ERC1: variants seen among roughly 807,000 people sequenced by gnomAD.
The protein encoded by ERC1 is ELKS/RAB6-interacting/CAST family member 1, also known as RAB6 interacting protein 2.
A neutral mutation model predicts 132.0 loss-of-function variants in ERC1; 56 were observed. The observed-to-expected ratio is 0.42, with a 90% CI of 0.34 to 0.53. The LOEUF (loss-of-function observed/expected upper bound fraction) is 0.53. ERC1 is among the 20% of genes least tolerant of loss of function. The pLI is 0.03. For synonymous variants in ERC1, 478 were observed against 476.1 expected, an observed-to-expected ratio of 1.00 and a Z score of -0.05; for missense variants, 1,202 against 1,349.9, an observed-to-expected ratio of 0.89 and a Z score of 1.72.
At chr12:1,287,605 G>C (rs907112818) in intron 14 of ERC1, among the ~76,000 whole-genome samples, 1 of 152,172 alleles carries the variant, frequency 6.6e-6, no homozygotes, top group African/African-American at 2.4e-5. Context: ...GACTGCCTTC[G>C]AACTGGGACA....
intron 2 of ERC1, among the ~76,000 whole-genome samples, chr12:1,050,698 G>A (rs1013996574): frequency 6.6e-6 from 1 of 151,988 alleles, no homozygotes; most frequent in African/African-American, 2.4e-5. Flanking sequence ...GAAAACATTT[G>A]CCAAAAAATA....
At chr12:1,264,119 G>T (rs1183877234) in intron 14 of ERC1, among the ~76,000 whole-genome samples, 1 of 152,230 alleles carries the variant, frequency 6.6e-6, no homozygotes, top group African/African-American at 2.4e-5. Context: ...TTAACAGTGA[G>T]TATGAAGGAC....
chr12:1,139,806 AAAG>A (rs1317537781), intron 7 of ERC1, among the ~76,000 whole-genome samples: 1 of 152,172 alleles, frequency 6.6e-6, no homozygotes, highest in Admixed American at 6.5e-5. Context: ...AATGATAAAA[AAAG>A]AAGGACGATA....
At chr12:1,480,134 G>T (rs961079339) in intron 18 of ERC1, among the ~76,000 whole-genome samples, 15 of 151,442 alleles carry the variant, frequency 9.9e-5, no homozygotes, top group African/African-American at 3.4e-4. Context: ...TGCCCAGGAG[G>T]CTTGAGGAAT....
chr12:1,048,670 C>A (rs1372662776), intron 2 of ERC1, among the ~76,000 whole-genome samples: 1 of 152,090 alleles, frequency 6.6e-6, no homozygotes. Context: ...ATATGCTTTT[C>A]CCTTAATGTT....
At chr12:1,301,857 T>A (rs1383756986) in intron 15 of ERC1, among the ~76,000 whole-genome samples, 4 of 152,124 alleles carry the variant, frequency 2.6e-5, no homozygotes, top group Non-Finnish European at 5.9e-5. Flanking sequence ...GAATTTATAA[T>A]CAAAAACATT....
chr12:1,330,305 C>T (rs2154357621), intron 15 of ERC1, among the ~76,000 whole-genome samples: 1 of 152,314 alleles, frequency 6.6e-6, no homozygotes, highest in East Asian at 1.9e-4. Context: ...TGCACTTGCT[C>T]TTAGCTAAGG....
At chr12:1,346,098 G>GGAA (rs1468081554) in intron 15 of ERC1, among the ~76,000 whole-genome samples, 1 of 152,158 alleles carries the variant, frequency 6.6e-6, no homozygotes, top group Admixed American at 6.5e-5. Flanking sequence ...AATGTGAGGA[G>GGAA]CTAGGACTAT....
At chr12:1,009,178 T>C (rs1167011487) in intron 1 of ERC1, among the ~76,000 whole-genome samples, 1 of 140,284 alleles carries the variant, frequency 7.1e-6, no homozygotes, top group Non-Finnish European at 1.5e-5. Context: ...GTGGTAAAGA[T>C]TTTTTTTTTT....
intron 15 of ERC1, among the ~76,000 whole-genome samples, chr12:1,291,898 A>G (rs2079477638): frequency 6.6e-6 from 1 of 152,224 alleles, no homozygotes; most frequent in Non-Finnish European, 1.5e-5. Flanking sequence ...TAATTGGCAG[A>G]TCCCACAATG....
At chr12:1,424,908 AGAT>A (rs2092586426) in intron 17 of ERC1, among the ~76,000 whole-genome samples, 1 of 151,650 alleles carries the variant, frequency 6.6e-6, no homozygotes, top group Non-Finnish European at 1.5e-5. Flanking sequence ...ATAGATAGAT[AGAT>A]AATCTGTCTC....
intron 18 of ERC1, among the ~76,000 whole-genome samples, chr12:1,479,522 A>G (rs548443827): frequency 1.8e-4 from 27 of 152,326 alleles, no homozygotes; most frequent in Non-Finnish European, 3.5e-4. Context: ...CAGAAACTAA[A>G]TTCTCAGTTA....
intron 3 of ERC1, among the ~76,000 whole-genome samples, chr12:1,093,830 G>A (rs996150041): frequency 6.7e-6 from 1 of 148,650 alleles, no homozygotes; most frequent in African/African-American, 2.5e-5. Context: ...GCAGATAGAA[G>A]GTATAAGCAG....
intron 2 of ERC1, among the ~76,000 whole-genome samples, chr12:1,030,588 T>G (rs1015591036): frequency 4.6e-5 from 7 of 151,600 alleles, no homozygotes; most frequent in African/African-American, 1.7e-4. Context: ...ATTAGCAGGG[T>G]TTTGTGATGG....
intron 12 of ERC1, among the ~76,000 whole-genome samples, chr12:1,192,972 G>A (rs1241621681): frequency 6.6e-6 from 1 of 152,180 alleles, no homozygotes; most frequent in Admixed American, 6.5e-5. Context: ...GTGCCACACT[G>A]TAGATTCAGC....
intron 16 of ERC1, among the ~76,000 whole-genome samples, chr12:1,394,544 A>G (rs2154384355): frequency 6.6e-6 from 1 of 152,284 alleles, no homozygotes; most frequent in South Asian, 2.1e-4. Flanking sequence ...ACAGTGTTGA[A>G]GAAGGGGCCT....
chr12:1,362,893 T>TA (rs2086269398), intron 15 of ERC1, among the ~76,000 whole-genome samples: 1 of 152,204 alleles, frequency 6.6e-6, no homozygotes, highest in South Asian at 2.1e-4. Context: ...GACTATAGGT[T>TA]AAAAAACGTG....
chr12:1,372,088 G>C, intron 16 of ERC1, 111 bp downstream of exon 16: 1 of 1,254,408 alleles, frequency 8.0e-7, no homozygotes, highest in Non-Finnish European at 1.1e-6. Context: ...TTAGACATCT[G>C]ATCATTGGAG....
At chr12:1,392,095 G>C (rs2090017121) in intron 16 of ERC1, among the ~76,000 whole-genome samples, 1 of 152,206 alleles carries the variant, frequency 6.6e-6, no homozygotes, top group African/African-American at 2.4e-5. Context: ...ATTTGTGTTA[G>C]AGGGCAGAGA....
Sources: allele counts gnomAD v4.1 joint callset (sites outside exome capture counted in the v4.1 genomes callset), GRCh38; gene constraint gnomAD v4.1.1; transcripts MANE v1.5; gene names NCBI Gene and HGNC (gene_info 2026-07-23, HGNC 2026-07-21).